The following RPH3A variants were observed in gnomAD, a reference collection of about 807,000 sequenced individuals.
RPH3A encodes rabphilin 3A.
A neutral mutation model predicts 102.2 loss-of-function variants in RPH3A; 48 were observed. That is an observed-to-expected ratio of 0.47 (90% CI 0.37 to 0.60). The LOEUF (loss-of-function observed/expected upper bound fraction) is 0.60. RPH3A is among the 20% of genes least tolerant of loss of function. The pLI is 0.00. For synonymous variants in RPH3A, 310 were observed against 324.3 expected (o/e 0.96, Z 0.47); for missense variants, 781 against 910.1 (o/e 0.86, Z 1.83).
At position 112,732,395 on chromosome 12, in the gene RPH3A, C is replaced by T. The variant is rs531471426; in HGVS notation, c.-139-59748C>T. ...TTTGCTAGCCATGTGATCTTTTGGG[C>T]CTTGTATTTCTTACCCGTAACATGG... On this transcript the variant is annotated intron_variant, in intron 1 of 21. Transcript: ENST00000543106. 1.4e-4 allele frequency among the ~76,000 whole-genome samples: 22 copies of T among 152,290 alleles called. No homozygotes were observed. In the East Asian group the frequency reaches 3.9e-3, roughly 27 times the overall value.
chr12:112,782,728 A>G (rs1007883362), intron 1 of RPH3A, among the ~76,000 whole-genome samples: 2 of 152,110 alleles, frequency 1.3e-5, no homozygotes, highest in Non-Finnish European at 2.9e-5. Flanking sequence ...ACAGCTTTTC[A>G]TGGATATACC....
chr12:112,590,484 C>T (rs2039469368), intron 1 of RPH3A, among the ~76,000 whole-genome samples: 1 of 152,206 alleles, frequency 6.6e-6, no homozygotes, highest in Admixed American at 6.5e-5. Context: ...AAAGATAGCA[C>T]AGCCCCTCCT....
chr12:112,883,478 G>A (rs1700976559), intron 16 of RPH3A, 76 bp downstream of exon 16: 4 of 990,192 alleles, frequency 4.0e-6, no homozygotes, highest in Non-Finnish European at 6.4e-6. Context: ...TTGGGGTGAG[G>A]CCCCCAGGGC....
intron 20 of RPH3A, 76 bp from the exon 21 acceptor site, chr12:112,895,701 A>G: frequency 3.0e-6 from 3 of 1,004,332 alleles, no homozygotes; most frequent in Non-Finnish European, 4.7e-6. Flanking sequence ...CATAACCCCT[A>G]GGACTCGGCC....
At chr12:112,857,641 A>G (rs568040718) in intron 5 of RPH3A, among the ~76,000 whole-genome samples, 14 of 152,318 alleles carry the variant, frequency 9.2e-5, no homozygotes, top group African/African-American at 2.9e-4. Flanking sequence ...CCTCCACTTT[A>G]GCCTTGACCT....
At chr12:112,782,583 T>C (rs2136078990) in intron 1 of RPH3A, among the ~76,000 whole-genome samples, 1 of 152,384 alleles carries the variant, frequency 6.6e-6, no homozygotes, top group South Asian at 2.1e-4. Flanking sequence ...GATGAGTGAC[T>C]GACCAGGATC....
rs1207749745 is a variant in RPH3A at position 112,791,813 on chromosome 12, G to T, written c.-339G>T. The T allele has an allele frequency of 6.8e-6, 1 of 147,528 alleles. No individual in the cohort carries two copies. Among genetic ancestry groups the T allele is most frequent in the Non-Finnish European group, 1.5e-5 (1 of 67,342 alleles). 9.1% of individuals were successfully genotyped at this position (147,528 alleles called of 1,614,324 possible). A position where few individuals can be genotyped will look rare whatever the true frequency, so the allele number is the denominator to read the frequency against. ...CTGGCTCTGGGGAAGCAATTGATTC[G>T]TCTACTGCCAGCAGCCCGGAGTTGC... On this transcript the variant is annotated 5_prime_UTR_variant, in exon 1 of 22. Coordinates refer to ENST00000389385, the MANE Select transcript of RPH3A (RefSeq NM_001143854.2).
intron 1 of RPH3A, among the ~76,000 whole-genome samples, chr12:112,666,896 G>A (rs899387045): frequency 2.0e-5 from 3 of 152,160 alleles, no homozygotes; most frequent in African/African-American, 7.2e-5. Flanking sequence ...CAGTCAGCAA[G>A]GACTTAGCTT....
chr12:112,834,391 C>T (rs981875703), intron 3 of RPH3A, among the ~76,000 whole-genome samples: 2 of 152,290 alleles, frequency 1.3e-5, no homozygotes, highest in Admixed American at 1.3e-4. Flanking sequence ...GTTGATGGAC[C>T]ATGGGTTTGG....
At chr12:112,883,434 C>A in intron 16 of RPH3A, 32 bp downstream of exon 16, 1 of 1,529,896 alleles carries the variant, frequency 6.5e-7, no homozygotes, top group South Asian at 1.1e-5. Context: ...GAGAGGGAGG[C>A]AAAGGGGAGA....
At chr12:112,885,878 A>G (rs2042994572) in intron 16 of RPH3A, among the ~76,000 whole-genome samples, 1 of 152,090 alleles carries the variant, frequency 6.6e-6, no homozygotes, top group South Asian at 2.1e-4. Context: ...TATTTTTTGG[A>G]CCCATTGTAG....
chr12:112,881,575 T>C (rs930081346), intron 14 of RPH3A, among the ~76,000 whole-genome samples, 197 bp from the exon 15 acceptor site: 2 of 152,232 alleles, frequency 1.3e-5, no homozygotes, highest in African/African-American at 2.4e-5. Context: ...GGAAGTGACA[T>C]GGCCAGGTTT....
At chr12:112,581,486 CA>C (rs2039400806) in intron 1 of RPH3A, among the ~76,000 whole-genome samples, 2 of 152,084 alleles carry the variant, frequency 1.3e-5, no homozygotes, top group South Asian at 4.1e-4. Flanking sequence ...AGAGTCTCGA[CA>C]AAATTAAGAT....
intron 16 of RPH3A, among the ~76,000 whole-genome samples, chr12:112,884,623 A>C (rs1355343769): frequency 6.6e-6 from 1 of 152,258 alleles, no homozygotes; most frequent in Non-Finnish European, 1.5e-5. Flanking sequence ...CTTAGGACAG[A>C]AACCAAAGAG....
At chr12:112,812,043 T>G (rs2041585708) in intron 2 of RPH3A, among the ~76,000 whole-genome samples, 1 of 149,168 alleles carries the variant, frequency 6.7e-6, no homozygotes. Flanking sequence ...CCAGCTTCAG[T>G]TTAGCAGAAA....
intron 1 of RPH3A, among the ~76,000 whole-genome samples, chr12:112,766,428 G>A (rs965751905): frequency 1.3e-5 from 2 of 152,172 alleles, no homozygotes; most frequent in Non-Finnish European, 2.9e-5. Context: ...GTCTTAGGCT[G>A]GTTCCCAGGT....
chr12:112,576,334 C>T (rs2039358914), intron 1 of RPH3A, among the ~76,000 whole-genome samples: 1 of 152,228 alleles, frequency 6.6e-6, no homozygotes, highest in Non-Finnish European at 1.5e-5. Context: ...TTTCTTGTCT[C>T]AGCCTCCTGA....
At chr12:112,718,934 T>A (rs1425038943) in intron 1 of RPH3A, among the ~76,000 whole-genome samples, 3 of 152,236 alleles carry the variant, frequency 2.0e-5, no homozygotes, top group Non-Finnish European at 4.4e-5. Flanking sequence ...TTGGTTTCTT[T>A]CTTCTCACAG....
At chr12:112,884,201 AAAAC>A in intron 16 of RPH3A, among the ~76,000 whole-genome samples, 1 of 152,328 alleles carries the variant, frequency 6.6e-6, no homozygotes, top group East Asian at 1.9e-4. Flanking sequence ...AGAATATACT[AAAAC>A]AAACATCCAT....
Sources: gnomAD v4.1 joint callset for allele counts (sites outside exome capture counted in the v4.1 genomes callset) on GRCh38, gnomAD v4.1.1 for gene constraint, MANE v1.5 for transcripts, NCBI Gene and HGNC (gene_info 2026-07-23, HGNC 2026-07-21) for gene names.